The following LAPTM4B variants were observed in gnomAD, a reference collection of about 807,000 sequenced individuals.
LAPTM4B encodes the protein lysosomal protein transmembrane 4 beta.
A neutral mutation model predicts 28.5 loss-of-function variants in LAPTM4B; 26 were observed. The observed-to-expected ratio is 0.91, with a 90% CI of 0.67 to 1.27. The LOEUF is 1.27. Among genes scored for constraint, LAPTM4B ranks in the 50% most tolerant of loss-of-function variants. The pLI is 0.00. For synonymous variants in LAPTM4B, 109 were observed against 106.4 expected (o/e 1.02, Z -0.15); for missense variants, 288 against 285.8 (o/e 1.01, Z -0.06).
chr8:97,836,614 G>A (rs1325627549), intron 6 of LAPTM4B, among the ~76,000 whole-genome samples: 2 of 151,996 alleles, frequency 1.3e-5, no homozygotes, highest in African/African-American at 4.8e-5. Flanking sequence ...CTCTGGAGTT[G>A]TGGCACTCAA....
At position 97,775,933 on chromosome 8, in the gene LAPTM4B, G is replaced by A; in HGVS notation, c.-77G>A. On this transcript the variant is annotated 5_prime_UTR_variant, in exon 1 of 7. Transcript: ENST00000521545. ...GAGCGGCGGAGGAGCCGGCAGCAGCGGCGCGGCGGGCTCCAGGCGAGGCGG... is the reference window on the plus strand; with the variant it reads ...GAGCGGCGGAGGAGCCGGCAGCAGCAGCGCGGCGGGCTCCAGGCGAGGCGG... 1 of 1,462,762 alleles carries A rather than the reference G, an allele frequency of 6.8e-7. No individual in the cohort carries two copies. Among genetic ancestry groups the A allele is most frequent in the South Asian group, 1.4e-5 (1 of 72,588 alleles). The allele number at this position is 1,462,762 out of a possible 1,614,324, so 90.6% of individuals were successfully genotyped here.
intron 1 of LAPTM4B, among the ~76,000 whole-genome samples, chr8:97,790,182 G>C (rs1402906048): frequency 3.0e-4 from 1 of 3,336 alleles, no homozygotes; most frequent in Non-Finnish European, 7.0e-4. Context: ...TGGGAGTGCA[G>C]CTATTTTTTT....
chr8:97,823,511 A>T (rs182304196), intron 5 of LAPTM4B, among the ~76,000 whole-genome samples: 13 of 151,530 alleles, frequency 8.6e-5, no homozygotes, highest in Non-Finnish European at 1.2e-4. Flanking sequence ...CATAGCTGGG[A>T]TTACAGGCAT....
intron 1 of LAPTM4B, among the ~76,000 whole-genome samples, chr8:97,786,376 T>C (rs1816399688): frequency 1.3e-5 from 2 of 149,026 alleles, no homozygotes; most frequent in Admixed American, 6.8e-5. Context: ...GGAAATGTAA[T>C]TTCAAATTAT....
At position 97,852,917 on chromosome 8, in the gene LAPTM4B, G is replaced by T; in HGVS notation, c.*1443G>T. 2.2e-6 allele frequency: 1 copy of T among 449,070 alleles called. No homozygotes were observed. The allele number at this position is 449,070 out of a possible 1,614,324, so 27.8% of individuals were successfully genotyped here. On this transcript the variant is annotated 3_prime_UTR_variant, in exon 7 of 7. Coordinates refer to ENST00000521545, the MANE Select transcript of LAPTM4B (RefSeq NM_018407.6). Reference sequence around the variant, plus strand: ...TTCTAGAAATGAAGAACAATCCGTGGAGAATAAATTACCATTGGTGTGGGG... The same window carrying T: ...TTCTAGAAATGAAGAACAATCCGTGTAGAATAAATTACCATTGGTGTGGGG...
chr8:97,829,565 G>A (rs1008873105), intron 6 of LAPTM4B, among the ~76,000 whole-genome samples: 4 of 152,046 alleles, frequency 2.6e-5, no homozygotes, highest in African/African-American at 7.2e-5. Flanking sequence ...TCTGTGTAGC[G>A]AGGTGTCCAA....
At position 97,817,833 on chromosome 8, in the gene LAPTM4B, G is replaced by A. The variant is rs533778566; in HGVS notation, c.409-1307G>A. Among the ~76,000 whole-genome samples the A allele has an allele frequency of 6.0e-5, 9 of 151,156 alleles. No individual in the cohort carries two copies. In the South Asian group the frequency reaches 1.1e-3, roughly 18 times the overall value. ...TCGAACTCCTGACCTCAGGTGATCC[G>A]CCCACCTTGGCCTCCCAAAGTGCTG... On this transcript the variant is annotated intron_variant, in intron 4 of 6. Coordinates refer to ENST00000521545, the MANE Select transcript of LAPTM4B (RefSeq NM_018407.6).
chr8:97,816,377 C>T (rs1382435379), intron 4 of LAPTM4B, among the ~76,000 whole-genome samples, 197 bp downstream of exon 4: 1 of 151,490 alleles, frequency 6.6e-6, no homozygotes, highest in African/African-American at 2.4e-5. Context: ...TGCAGTGATG[C>T]GATCTCGGCT....
At chr8:97,787,080 TA>T (rs2129731715) in intron 1 of LAPTM4B, among the ~76,000 whole-genome samples, 1 of 152,112 alleles carries the variant, frequency 6.6e-6, no homozygotes, top group South Asian at 2.1e-4. Context: ...CTGCCTCCTT[TA>T]TGTTTGTCTT....
In LAPTM4B at chr8:97,851,767, T is replaced by C; in HGVS notation, c.*293T>C. 2.9e-6 allele frequency: 1 copy of C among 349,290 alleles called. No homozygotes were observed. The highest frequency in any genetic ancestry group is 7.6e-5 in the South Asian group (1 of 13,172). 21.6% of individuals were successfully genotyped at this position (349,290 alleles called of 1,614,324 possible). A position where few individuals can be genotyped will look rare whatever the true frequency, so the allele number is the denominator to read the frequency against. On this transcript the variant is annotated 3_prime_UTR_variant, in exon 7 of 7. Transcript: ENST00000521545. Reference sequence around the variant, plus strand: ...AAATCTGATGGACCTAGAAGTCTGCTTTTGTACCTGCTGGGCCCCAAAGTT... The same window carrying C: ...AAATCTGATGGACCTAGAAGTCTGCCTTTGTACCTGCTGGGCCCCAAAGTT...
intron 6 of LAPTM4B, among the ~76,000 whole-genome samples, chr8:97,843,278 T>G (rs1408589959): frequency 6.6e-6 from 1 of 151,894 alleles, no homozygotes; most frequent in African/African-American, 2.4e-5. Context: ...ATACAAAAAA[T>G]TAGCTGGCTA....
chr8:97,826,051 C>G (rs1817086541), intron 6 of LAPTM4B, among the ~76,000 whole-genome samples: 1 of 152,180 alleles, frequency 6.6e-6, no homozygotes, highest in Non-Finnish European at 1.5e-5. Flanking sequence ...CTTGCTCACT[C>G]TGACCTTACC....
intron 1 of LAPTM4B, among the ~76,000 whole-genome samples, chr8:97,791,480 C>T (rs1163080673): frequency 6.6e-6 from 1 of 152,114 alleles, no homozygotes; most frequent in East Asian, 1.9e-4. Flanking sequence ...GGTGTCTTAG[C>T]CTGAGAATGA....
chr8:97,812,288 T>C (rs2129784760), intron 2 of LAPTM4B, among the ~76,000 whole-genome samples: 1 of 148,722 alleles, frequency 6.7e-6, no homozygotes, highest in East Asian at 2.0e-4. Context: ...GCTGCTATCT[T>C]GGCTCACTGC....
rs35399467 is a variant in LAPTM4B, at chr8:97,852,693, C to CT, written c.*1227dup. On this transcript the variant is annotated 3_prime_UTR_variant, in exon 7 of 7. Coordinates refer to ENST00000521545, the MANE Select transcript of LAPTM4B (RefSeq NM_018407.6). ...CACCCAGTTCAGCCTAAGGAGTAGG[C>CT]TTTTTTTTGGGGGGGGGAGGTCGGG... 5.6e-5 allele frequency: 7 copies of CT among 124,710 alleles called. No homozygotes were observed. The highest frequency in any genetic ancestry group is 8.7e-5 in the Non-Finnish European group (6 of 68,840). The allele number at this position is 124,710 out of a possible 1,614,324, so 7.7% of individuals were successfully genotyped here.
At chr8:97,807,595 G>A (rs1388668201) in intron 2 of LAPTM4B, among the ~76,000 whole-genome samples, 1 of 152,174 alleles carries the variant, frequency 6.6e-6, no homozygotes, top group East Asian at 1.9e-4. Context: ...GTCAGGCATG[G>A]GAGTCTGTGG....
intron 1 of LAPTM4B, among the ~76,000 whole-genome samples, chr8:97,789,039 TTTA>T (rs1816454283): frequency 2.2e-3 from 3 of 1,334 alleles, no homozygotes; most frequent in African/African-American, 5.0e-3. Flanking sequence ...GTGCTCACTC[TTTA>T]TTTATTTATT....
intron 6 of LAPTM4B, among the ~76,000 whole-genome samples, chr8:97,850,543 A>C (rs1316117790): frequency 6.6e-6 from 1 of 150,690 alleles, no homozygotes; most frequent in African/African-American, 2.5e-5. Context: ...TGGTTCTAGT[A>C]GGAGCTAAAG....
chr8:97,845,862 C>A (rs1295801462), intron 6 of LAPTM4B, among the ~76,000 whole-genome samples: 4 of 57,544 alleles, frequency 7.0e-5, no homozygotes, highest in Non-Finnish European at 8.6e-5. Context: ...TTTTCCCCCC[C>A]CTTCCACTCC....
Sources: allele counts gnomAD v4.1 joint callset (sites outside exome capture counted in the v4.1 genomes callset), GRCh38; gene constraint gnomAD v4.1.1; transcripts MANE v1.5; gene names NCBI Gene and HGNC (gene_info 2026-07-23, HGNC 2026-07-21).